The following TYR variants were observed in gnomAD, a reference collection of about 807,000 sequenced individuals.
The protein encoded by TYR is tyrosinase.
In TYR, 58 loss-of-function variants were observed where a neutral mutation model predicts 51.5. The ratio of observed to expected loss-of-function variants is 1.13; its 90% CI spans 0.91 to 1.40. The LOEUF (loss-of-function observed/expected upper bound fraction) is 1.40. Among genes scored for constraint, TYR ranks in the 40% most tolerant of loss-of-function variants. The pLI is 0.00. For missense variants in TYR, 732 were observed against 647.4 expected, an observed-to-expected ratio of 1.13 and a Z score of -1.42; for synonymous variants, 263 against 235.2, an observed-to-expected ratio of 1.12 and a Z score of -1.08.
At chr11:89,188,077 A>T (rs1318363173) in intron 1 of TYR, among the ~76,000 whole-genome samples, 2 of 150,670 alleles carry the variant, frequency 1.3e-5, no homozygotes, top group Non-Finnish European at 3.0e-5. Context: ...GGAGTTAAAA[A>T]ATATAATAAG....
intron 1 of TYR, among the ~76,000 whole-genome samples, chr11:89,183,978 C>T (rs1049832757): frequency 1.3e-5 from 2 of 151,956 alleles, no homozygotes; most frequent in African/African-American, 4.8e-5. Context: ...AAACTTAATA[C>T]CCAGAGAGCT....
intron 3 of TYR, among the ~76,000 whole-genome samples, chr11:89,274,734 G>A (rs1317550597): frequency 6.6e-6 from 1 of 151,850 alleles, no homozygotes; most frequent in Admixed American, 6.6e-5. Flanking sequence ...CAAGGCCAAA[G>A]TTAGGATGCC....
At chr11:89,181,291 C>T (rs1000779080) in intron 1 of TYR, among the ~76,000 whole-genome samples, 9 of 152,204 alleles carry the variant, frequency 5.9e-5, no homozygotes, top group African/African-American at 1.7e-4. Flanking sequence ...GCTGGGATTG[C>T]AGGCCTGAGC....
At chr11:89,194,118 T>C (rs1054721261) in intron 2 of TYR, among the ~76,000 whole-genome samples, 6 of 152,256 alleles carry the variant, frequency 3.9e-5, no homozygotes, top group African/African-American at 1.4e-4. Context: ...TAGAATCTAG[T>C]CTAGGATCAA....
intron 1 of TYR, among the ~76,000 whole-genome samples, chr11:89,188,359 C>T (rs930549040): frequency 1.4e-4 from 21 of 151,868 alleles, no homozygotes; most frequent in African/African-American, 2.7e-4. Flanking sequence ...TTTAAAACTT[C>T]GGTTTGAAAA....
intron 1 of TYR, among the ~76,000 whole-genome samples, chr11:89,189,412 T>C (rs940062537): frequency 7.3e-5 from 11 of 151,408 alleles, no homozygotes; most frequent in African/African-American, 2.7e-4. Context: ...TTTCTTTTCT[T>C]AAAAAACAAT....
intron 4 of TYR, among the ~76,000 whole-genome samples, chr11:89,293,057 G>T (rs912451190): frequency 6.6e-6 from 1 of 152,094 alleles, no homozygotes. Context: ...TTCCTTTTAG[G>T]AATTTTACAA....
At chr11:89,275,967 T>G (rs975052522) in intron 3 of TYR, among the ~76,000 whole-genome samples, 1 of 151,906 alleles carries the variant, frequency 6.6e-6, no homozygotes, top group African/African-American at 2.4e-5. Context: ...GATTTAACAA[T>G]ATATTAAGAG....
chr11:89,187,321 A>T (rs1327939100), intron 1 of TYR, among the ~76,000 whole-genome samples: 1 of 152,174 alleles, frequency 6.6e-6, no homozygotes. Flanking sequence ...CACACCAAGT[A>T]GTAACAGCAA....
At chr11:89,262,265 G>A (rs984827793) in intron 3 of TYR, among the ~76,000 whole-genome samples, 11 of 152,010 alleles carry the variant, frequency 7.2e-5, no homozygotes, top group Non-Finnish European at 1.0e-4. Context: ...CACCATGTTG[G>A]TCAGGCTGGT....
At chr11:89,227,482 G>A (rs1176726962) in intron 2 of TYR, among the ~76,000 whole-genome samples, 2 of 152,156 alleles carry the variant, frequency 1.3e-5, no homozygotes. Flanking sequence ...AGACTGAAGT[G>A]AAAGTGACTG....
At chr11:89,203,962 A>G (rs1943635223) in intron 2 of TYR, among the ~76,000 whole-genome samples, 3 of 152,158 alleles carry the variant, frequency 2.0e-5, no homozygotes. Context: ...AGGCTATAAC[A>G]AGGTGCCTCC....
chr11:89,219,428 C>G (rs1943878655), intron 2 of TYR, among the ~76,000 whole-genome samples: 1 of 151,700 alleles, frequency 6.6e-6, no homozygotes, highest in Non-Finnish European at 1.5e-5. Context: ...TCTCGAGTAG[C>G]TGGGACTACA....
rs1264760151 is a variant in TYR, at chr11:89,283,691, A to T, written c.1185-1082A>T. ...CTCCAGCTCTTGTGTTCTTTCTTCT[A>T]TGTCATATGACTCGATAATGCAAAG... On this transcript the variant is annotated intron_variant, in intron 3 of 4. Coordinates refer to ENST00000263321, the MANE Select transcript of TYR (RefSeq NM_000372.5). The T allele has an allele frequency of 1.3e-5, 2 of 151,946 alleles. 1 individual carries two copies. Among genetic ancestry groups the T allele is most frequent in the South Asian group, 4.1e-4 (2 of 4,830 alleles). 9.4% of individuals were successfully genotyped at this position (151,946 alleles called of 1,614,324 possible).
intron 1 of TYR, among the ~76,000 whole-genome samples, chr11:89,187,557 T>C (rs547912417): frequency 1.3e-5 from 2 of 152,190 alleles, no homozygotes; most frequent in African/African-American, 4.8e-5. Flanking sequence ...TGGGAATGGG[T>C]AGCCAGGAAA....
At chr11:89,294,458 C>T (rs1397965831) in intron 4 of TYR, among the ~76,000 whole-genome samples, 1 of 152,170 alleles carries the variant, frequency 6.6e-6, no homozygotes. Context: ...CAGGCCCCTG[C>T]CCTCCAGCAG....
chr11:89,237,830 T>G (rs1944138741), intron 3 of TYR, among the ~76,000 whole-genome samples: 1 of 142,054 alleles, frequency 7.0e-6, no homozygotes, highest in Non-Finnish European at 1.5e-5. Context: ...TTTATTATTT[T>G]TATTTATTTA....
chr11:89,195,533 G>A (rs1374894565), intron 2 of TYR, among the ~76,000 whole-genome samples: 1 of 152,020 alleles, frequency 6.6e-6, no homozygotes, highest in Non-Finnish European at 1.5e-5. Context: ...ACAAAAATTA[G>A]CCAGGCATGG....
chr11:89,235,703 A>G (rs1305988411), intron 3 of TYR, among the ~76,000 whole-genome samples: 1 of 151,754 alleles, frequency 6.6e-6, no homozygotes, highest in Admixed American at 6.6e-5. Context: ...GGTCAATGAA[A>G]ATGTTAGTTG....
Sources: allele counts gnomAD v4.1 joint callset (sites outside exome capture counted in the v4.1 genomes callset), GRCh38; gene constraint gnomAD v4.1.1; transcripts MANE v1.5; gene names NCBI Gene and HGNC (gene_info 2026-07-23, HGNC 2026-07-21).